Variants in SFXN1 observed in about 807,000 individuals in gnomAD.
SFXN1 encodes sideroflexin-1.
A neutral mutation model predicts 39.5 loss-of-function variants in SFXN1; 32 were observed. The ratio of observed to expected loss-of-function variants is 0.81; its 90% CI spans 0.61 to 1.09. The LOEUF is 1.09. Ranked by LOEUF, SFXN1 falls within the 50% of genes least tolerant of loss-of-function variation. The pLI, the probability that SFXN1 is intolerant of heterozygous loss-of-function variation, is 0.00. For missense variants in SFXN1, 402 were observed against 407.1 expected, an observed-to-expected ratio of 0.99 and a Z score of 0.11; for synonymous variants, 136 against 146.5, an observed-to-expected ratio of 0.93 and a Z score of 0.52.
chr5:175,505,330 T>G (rs1284513655), intron 2 of SFXN1, among the ~76,000 whole-genome samples: 37 of 150,520 alleles, frequency 2.5e-4, no homozygotes, highest in Non-Finnish European at 4.7e-4. Flanking sequence ...AGGTTAAGAG[T>G]TCAAGACCAG....
chr5:175,521,067 A>T (rs1295603614), intron 8 of SFXN1, among the ~76,000 whole-genome samples: 2 of 151,912 alleles, frequency 1.3e-5, no homozygotes, highest in African/African-American at 4.8e-5. Flanking sequence ...GTTGACTCCT[A>T]ACTAAGCTGG....
At chr5:175,505,571 A>AATAATAATAATT (rs1365757735) in intron 2 of SFXN1, among the ~76,000 whole-genome samples, 18 of 135,762 alleles carry the variant, frequency 1.3e-4, no homozygotes, top group Middle Eastern at 3.9e-3. Flanking sequence ...TAATAATAAT[A>AATAATAATAATT]ATTCTAAGGT....
intron 2 of SFXN1, among the ~76,000 whole-genome samples, chr5:175,507,621 G>A (rs149117635): frequency 1.3e-3 from 204 of 152,246 alleles, no homozygotes; most frequent in African/African-American, 4.4e-3. Flanking sequence ...CAATGAATAC[G>A]TGCTTCTTTG....
chr5:175,519,632 T>C (rs188349437), intron 8 of SFXN1, among the ~76,000 whole-genome samples: 15 of 152,220 alleles, frequency 9.9e-5, no homozygotes, highest in Non-Finnish European at 1.6e-4. Context: ...GAGGTTGCCA[T>C]ATAATGGGGT....
intron 2 of SFXN1, among the ~76,000 whole-genome samples, chr5:175,496,047 C>A (rs1205101339): frequency 2.7e-5 from 4 of 150,436 alleles, no homozygotes; most frequent in African/African-American, 9.8e-5. Flanking sequence ...ATTACAGGCA[C>A]GCACCACCAC....
chr5:175,487,167 T>C (rs1759480325), intron 1 of SFXN1, among the ~76,000 whole-genome samples: 1 of 152,110 alleles, frequency 6.6e-6, no homozygotes, highest in Non-Finnish European at 1.5e-5. Context: ...CAGCATGAAG[T>C]CCACACCCAG....
intron 3 of SFXN1, chr5:175,509,427 A>G (rs1039887861): frequency 6.0e-6 from 2 of 333,752 alleles, no homozygotes; most frequent in Non-Finnish European, 1.1e-5. Flanking sequence ...AAGACAATAA[A>G]AAACAAAAAA....
At chr5:175,484,465 A>T (rs1759374657) in intron 1 of SFXN1, among the ~76,000 whole-genome samples, 1 of 152,154 alleles carries the variant, frequency 6.6e-6, no homozygotes, top group African/African-American at 2.4e-5. Context: ...CCCTCAGCGC[A>T]TCTCTGCCTT....
At chr5:175,492,558 C>T (rs768955682) in intron 2 of SFXN1, 5 of 243,890 alleles carry the variant, frequency 2.1e-5, no homozygotes, top group Non-Finnish European at 3.9e-5. Flanking sequence ...TCCGATAGCA[C>T]CACCACCTCC....
chr5:175,498,139 C>G (rs1396106277), intron 2 of SFXN1, among the ~76,000 whole-genome samples: 1 of 151,692 alleles, frequency 6.6e-6, no homozygotes, highest in African/African-American at 2.4e-5. Flanking sequence ...TAATAAGAAA[C>G]TTTAAGGAAT....
intron 2 of SFXN1, among the ~76,000 whole-genome samples, chr5:175,496,942 A>G (rs1759880190): frequency 6.6e-6 from 1 of 151,872 alleles, no homozygotes; most frequent in African/African-American, 2.4e-5. Context: ...CCCAGGCTAG[A>G]GTGCAGTGGC....
chr5:175,501,595 T>C (rs1291236407), intron 2 of SFXN1, among the ~76,000 whole-genome samples: 1 of 152,184 alleles, frequency 6.6e-6, no homozygotes, highest in Non-Finnish European at 1.5e-5. Context: ...CTCTTATCAA[T>C]ATTGAACTAT....
rs1760545804 is a variant in SFXN1, at chr5:175,512,206, A to G, written c.596+10A>G. The G allele has an allele frequency of 6.2e-7, 1 of 1,612,078 alleles. No individual in the cohort carries two copies. The highest frequency in any genetic ancestry group is 1.3e-5 in the African/African-American group (1 of 74,858). ...CATTAATGAGGCAAAGGTAAGACGA[A>G]TATGCACTCTTAGTAGGGACATGTG... On this transcript the variant is annotated intron_variant, in intron 6 of 10. Coordinates refer to ENST00000321442, the MANE Select transcript of SFXN1 (RefSeq NM_022754.7).
chr5:175,509,434 A>G (rs900073366), intron 3 of SFXN1: 4 of 314,108 alleles, frequency 1.3e-5, no homozygotes, highest in Non-Finnish European at 2.3e-5. Context: ...TAAAAAACAA[A>G]AAATGGGGTA....
intron 2 of SFXN1, among the ~76,000 whole-genome samples, chr5:175,498,644 C>CA (rs1759956217): frequency 6.6e-6 from 1 of 151,982 alleles, no homozygotes; most frequent in African/African-American, 2.4e-5. Context: ...AAATAAAACT[C>CA]AAAATATATA....
chr5:175,510,023 C>T (rs1178738125), intron 3 of SFXN1, 86 bp from the exon 4 acceptor site: 3 of 1,070,646 alleles, frequency 2.8e-6, no homozygotes, highest in Non-Finnish European at 4.2e-6. Flanking sequence ...TACGTCTCCT[C>T]TCTGGTTACT....
At chr5:175,501,800 T>C (rs1660615973) in intron 2 of SFXN1, among the ~76,000 whole-genome samples, 1 of 152,198 alleles carries the variant, frequency 6.6e-6, no homozygotes, top group Non-Finnish European at 1.5e-5. Flanking sequence ...CTACTTCACC[T>C]ACTAGACTTT....
At chr5:175,486,873 G>A (rs959940550) in intron 1 of SFXN1, among the ~76,000 whole-genome samples, 4 of 152,026 alleles carry the variant, frequency 2.6e-5, no homozygotes, top group Admixed American at 6.6e-5. Context: ...AACAAATTAG[G>A]GATAGTTTGT....
intron 1 of SFXN1, among the ~76,000 whole-genome samples, chr5:175,478,865 C>T (rs554769442): frequency 9.5e-4 from 145 of 152,244 alleles, no homozygotes; most frequent in African/African-American, 3.4e-3. Flanking sequence ...GACAACACCA[C>T]GCTTCCAGCA....
Sources: gnomAD v4.1 joint callset for allele counts (sites outside exome capture counted in the v4.1 genomes callset) on GRCh38, gnomAD v4.1.1 for gene constraint, MANE v1.5 for transcripts, NCBI Gene and HGNC (gene_info 2026-07-23, HGNC 2026-07-21) for gene names.